The following PWWP3B variants were observed in gnomAD, a reference collection of about 807,000 sequenced individuals.
The protein encoded by PWWP3B is PWWP domain containing 3B, also known as PWWP domain-containing DNA repair factor 3B.
Under a neutral mutation model 15.7 loss-of-function variants are expected in PWWP3B, and 5 were observed. The observed-to-expected ratio is 0.32, with a 90% CI of 0.17 to 0.67. PWWP3B has a LOEUF of 0.67. Among genes scored for constraint, PWWP3B ranks in the 30% least tolerant of loss-of-function variants. The pLI is 0.74. For missense variants in PWWP3B, 519 were observed against 493.1 expected (o/e 1.05, Z -0.50); for synonymous variants, 203 against 179.8 (o/e 1.13, Z -1.03).
chrX:106,172,742 G>A (rs1304737305), intron 2 of PWWP3B, among the ~76,000 whole-genome samples: 5 of 111,207 alleles, frequency 4.5e-5, no homozygotes, highest in Non-Finnish European at 7.5e-5. Context: ...AGATTAAAAA[G>A]TACAGTAAGT....
chrX:106,206,224 G>A lies in PWWP3B; in HGVS notation c.792G>A (p.Glu264=). Residue 264 remains glutamate, a synonymous_variant, in exon 4 of 4, where the codon GAG becomes GAA. Coordinates refer to ENST00000357175, the MANE Select transcript of PWWP3B (RefSeq NM_001171020.2). ...AAGAGAGCGAGGATACCTGCCTAGAGACCCTGGCTGTTCCCTCTGAATGCT... is the reference window on the plus strand; with the variant it reads ...AAGAGAGCGAGGATACCTGCCTAGAAACCCTGGCTGTTCCCTCTGAATGCT... The part of the protein sequence containing the change: ...LKEESEDTCL[E]TLAVPSECSA... 1.7e-6 allele frequency: 2 copies of A among 1,206,005 alleles called. No individual in the cohort carries two copies. Among genetic ancestry groups the A allele is most frequent in the Non-Finnish European group, 2.2e-6 (2 of 892,387 alleles).
At chrX:106,173,105 A>G (rs765883726) in intron 2 of PWWP3B, among the ~76,000 whole-genome samples, 13 of 112,031 alleles carry the variant, frequency 1.2e-4, no homozygotes, top group Non-Finnish European at 1.9e-4. Flanking sequence ...TCCGTGCCTC[A>G]TAACGTTGTG....
chrX:106,208,718 A>G lies in PWWP3B; in HGVS notation c.*1195A>G, dbSNP rs1363698109. The G allele has an allele frequency of 8.1e-6, 1 of 123,671 alleles. No individual in the cohort carries two copies. Among genetic ancestry groups the G allele is most frequent in the Admixed American group, 9.4e-5 (1 of 10,594 alleles). The allele number at this position is 123,671 out of a possible 1,213,427, so 10.2% of individuals were successfully genotyped here. Reference sequence around the variant, plus strand: ...TACAATTAAATGTCTGAAGCCAATGAGTTGTTTATTCTAACTTGAAATATA... The same window carrying G: ...TACAATTAAATGTCTGAAGCCAATGGGTTGTTTATTCTAACTTGAAATATA... On this transcript the variant is annotated 3_prime_UTR_variant, in exon 4 of 4. Transcript: ENST00000357175.
chrX:106,195,873 G>T lies in PWWP3B; in HGVS notation c.-400-8112G>T, dbSNP rs1338772375. ...GAGATTGCAATAATTCTACAGAAAT[G>T]TTGGGGAGATATAACATCCTAAAAA... is the stretch of plus-strand genomic sequence containing the variant. On this transcript the variant is annotated intron_variant, in intron 2 of 3. Transcript: ENST00000357175. 7.2e-5 allele frequency among the ~76,000 whole-genome samples: 8 copies of T among 111,812 alleles called. No homozygotes were observed. The Admixed American group carries it at 7.6e-4, about 11-fold the overall frequency.
chrX:106,179,121 C>A (rs954009259), intron 2 of PWWP3B, among the ~76,000 whole-genome samples: 3 of 111,818 alleles, frequency 2.7e-5, no homozygotes, highest in African/African-American at 9.7e-5. Context: ...GCAAACAAAA[C>A]AATGAAATGT....
At chrX:106,195,022 C>G (rs1275781733) in intron 2 of PWWP3B, among the ~76,000 whole-genome samples, 1 of 111,702 alleles carries the variant, frequency 9.0e-6, no homozygotes, top group Non-Finnish European at 1.9e-5. Context: ...TGCCCGTTCT[C>G]AGATCTCATG....
chrX:106,168,600 AAGAGGTAGCAAAAGCTAACTTTTTAAT>A (rs1351664739), intron 1 of PWWP3B, among the ~76,000 whole-genome samples, 175 bp downstream of exon 1: 1 of 112,472 alleles, frequency 8.9e-6, no homozygotes, highest in African/African-American at 3.2e-5. Context: ...AATATTCTTA[AAGAGGTAGCAAAAGCTAACTTTTTAAT>A]AGAGCATTTT....
chrX:106,193,949 C>G (rs1923187964), intron 2 of PWWP3B, among the ~76,000 whole-genome samples: 2 of 112,022 alleles, frequency 1.8e-5, no homozygotes, highest in South Asian at 7.5e-4. Context: ...GTAACCTCAC[C>G]TTTCTTTCTG....
intron 2 of PWWP3B, among the ~76,000 whole-genome samples, chrX:106,184,955 G>A (rs748607770): frequency 1.8e-5 from 2 of 111,249 alleles, no homozygotes; most frequent in South Asian, 7.8e-4. Context: ...ATAGGAAGGG[G>A]AGCTGTAGAA....
chrX:106,171,608 C>T (rs1234012169), intron 2 of PWWP3B, among the ~76,000 whole-genome samples: 2 of 111,374 alleles, frequency 1.8e-5, no homozygotes, highest in African/African-American at 6.5e-5. Context: ...CTTCAATAGG[C>T]GATTTTATCT....
At position 106,205,689 on chromosome X, in the gene PWWP3B, A is replaced by G. The variant is rs750615698; in HGVS notation, c.257A>G (p.Tyr86Cys). 5.0e-6 allele frequency: 6 copies of G among 1,210,206 alleles called. No individual in the cohort carries two copies. Among genetic ancestry groups the G allele is most frequent in the African/African-American group, 3.5e-5 (2 of 57,338 alleles). ...DSAPPTEETAYGRSLKVALGI... is the reference protein window; with the variant it reads ...DSAPPTEETACGRSLKVALGI... Reference sequence around the variant, plus strand: ...GCTCCACCTACAGAGGAAACTGCCTATGGAAGATCACTAAAAGTGGCACTG... The same window carrying G: ...GCTCCACCTACAGAGGAAACTGCCTGTGGAAGATCACTAAAAGTGGCACTG... Residue 86 changes from tyrosine (Y) to cysteine (C), a missense_variant, in exon 4 of 4, where the codon TAT becomes TGT. Physicochemically the swap from Tyr to Cys is radical, Grantham distance 194. Transcript: ENST00000357175.
At chrX:106,191,966 C>G (rs1923002058) in intron 2 of PWWP3B, among the ~76,000 whole-genome samples, 1 of 111,579 alleles carries the variant, frequency 9.0e-6, no homozygotes, top group African/African-American at 3.3e-5. Flanking sequence ...AGGATTTTTG[C>G]ATCAATGTTC....
chrX:106,186,656 C>G (rs997101339), intron 2 of PWWP3B, among the ~76,000 whole-genome samples: 2 of 110,654 alleles, frequency 1.8e-5, no homozygotes, highest in Non-Finnish European at 3.8e-5. Flanking sequence ...TGTTACAGCT[C>G]TTAAAGGTGG....
intron 2 of PWWP3B, among the ~76,000 whole-genome samples, chrX:106,193,254 T>A (rs1923124364): frequency 9.0e-6 from 1 of 111,656 alleles, no homozygotes; most frequent in African/African-American, 3.3e-5. Context: ...TTAGGATAGT[T>A]AGCTCTTCTT....
rs1428113813 is a variant in PWWP3B, at chrX:106,203,481, T to C, written c.-400-504T>C. On this transcript the variant is annotated intron_variant, in intron 2 of 3. Coordinates refer to ENST00000357175, the MANE Select transcript of PWWP3B (RefSeq NM_001171020.2). ...GTCCCCTTCAACTCATGAGCAGTTC[T>C]GGTTGTCATCATAAGAGGGCACTAG... Among the ~76,000 whole-genome samples, 5 of 112,192 alleles carry C rather than the reference T, an allele frequency of 4.5e-5. No individual in the cohort carries two copies. The Admixed American group carries it at 4.7e-4, about 11-fold the overall frequency.
intron 2 of PWWP3B, among the ~76,000 whole-genome samples, chrX:106,202,991 A>T (rs959985862): frequency 3.6e-5 from 4 of 111,250 alleles, no homozygotes; most frequent in Admixed American, 9.6e-5. Flanking sequence ...GGGGTTTGTT[A>T]CATCTTCGGG....
At chrX:106,201,524 A>T (rs982384338) in intron 2 of PWWP3B, among the ~76,000 whole-genome samples, 1 of 112,901 alleles carries the variant, frequency 8.9e-6, no homozygotes, top group Non-Finnish European at 1.9e-5. Context: ...TAAGGTTTTG[A>T]ATAGAAATTA....
intron 2 of PWWP3B, among the ~76,000 whole-genome samples, chrX:106,181,341 G>C (rs1922186969): frequency 9.0e-6 from 1 of 111,724 alleles, no homozygotes; most frequent in African/African-American, 3.3e-5. Flanking sequence ...CCCACGTCGT[G>C]CTGATTGGTC....
In PWWP3B at chrX:106,205,293, C is replaced by T; in HGVS notation, c.-140C>T. 1.8e-6 allele frequency: 1 copy of T among 550,674 alleles called. No individual in the cohort carries two copies. The highest frequency in any genetic ancestry group is 2.7e-6 in the Non-Finnish European group (1 of 366,296). 45.4% of individuals were successfully genotyped at this position (550,674 alleles called of 1,213,427 possible). ...AAATTGAGGTGGAGAACAGGCCACA[C>T]AAGCTGTAAACCCTTTGTAGTCATA... On this transcript the variant is annotated 5_prime_UTR_variant, in exon 4 of 4. Transcript: ENST00000357175.
Sources: allele counts gnomAD v4.1 joint callset (sites outside exome capture counted in the v4.1 genomes callset), GRCh38; gene constraint gnomAD v4.1.1; transcripts MANE v1.5; gene names NCBI Gene and HGNC (gene_info 2026-07-23, HGNC 2026-07-21).